Variants in RASEF observed in about 807,000 individuals in gnomAD.
The protein encoded by RASEF is RAS and EF-hand domain containing.
RASEF carries 68 observed loss-of-function variants against 90.1 expected under a neutral mutation model. That is an observed-to-expected ratio of 0.75 (90% CI 0.62 to 0.92). RASEF has a LOEUF of 0.92. Ranked by LOEUF, RASEF falls within the 40% of genes least tolerant of loss-of-function variation. The probability of loss-of-function intolerance (pLI) is 0.00; values close to 1 mark genes in which losing one functional copy is unlikely to be tolerated. For synonymous variants in RASEF, 331 were observed against 345.2 expected, an observed-to-expected ratio of 0.96 and a Z score of 0.46; for missense variants, 949 against 937.2, an observed-to-expected ratio of 1.01 and a Z score of -0.16.
the RASEF span, among the ~76,000 whole-genome samples, chr9:83,172,683 CT>C: frequency 6.6e-6 from 1 of 151,706 alleles, no homozygotes; most frequent in Non-Finnish European, 1.5e-5. Flanking sequence ...CATTTTCTGA[CT>C]TTTTGTGTTT....
rs1483732787 is a variant in RASEF at position 83,025,809 on chromosome 9, T to G, written c.544A>C (p.Thr182Pro). 2 of 1,613,950 alleles carry G rather than the reference T, an allele frequency of 1.2e-6. No individual in the cohort carries two copies. The highest frequency in any genetic ancestry group is 1.1e-5 in the South Asian group (1 of 91,020). Residue 182 changes from threonine to proline, a missense_variant, in exon 2 of 17, where the codon ACA (threonine) becomes CCA (proline). Transcript: ENST00000376447. ...GCAATGGCCAAATTTTCCATTTCTG[T>G]GCTTTGAAGTCTGATCTCACGGATG... is the stretch of plus-strand genomic sequence containing the variant. The part of the protein sequence containing the change: ...NFIREIRLQS[T>P]EMENLAIAVK...
At chr9:83,164,347 GTATA>G in the RASEF span, among the ~76,000 whole-genome samples, 171 of 129,972 alleles carry the variant, frequency 1.3e-3, no homozygotes, top group African/African-American at 4.0e-3. Context: ...GTATATGTGT[GTATA>G]TATATATATA....
In RASEF at chr9:82,984,728, G is replaced by A. The variant is rs62561890; in HGVS notation, c.2118-1946C>T. ...GCATTATTTAAGCCTCTACATCTGT[G>A]GGAGTTCATTACAAGGACAACGGAA... On this transcript the variant is annotated intron_variant, in intron 16 of 16. Coordinates refer to ENST00000376447, the MANE Select transcript of RASEF (RefSeq NM_152573.4). 9.7e-3 allele frequency among the ~76,000 whole-genome samples: 1,483 copies of A among 152,234 alleles called. 6 individuals carry two copies. Among genetic ancestry groups the A allele is most frequent in the Middle Eastern group, 0.024 (7 of 294 alleles).
At chr9:83,021,859 G>A (rs1244880057) in intron 3 of RASEF, among the ~76,000 whole-genome samples, 1 of 152,216 alleles carries the variant, frequency 6.6e-6, no homozygotes, top group African/African-American at 2.4e-5. Flanking sequence ...TGGGTACCAA[G>A]TGATGACTGT....
At chr9:83,070,115 T>TTTTTTTTTTTTTTTTTTG in the RASEF span, among the ~76,000 whole-genome samples, 1 of 152,112 alleles carries the variant, frequency 6.6e-6, no homozygotes, top group African/African-American at 2.4e-5. Context: ...GGTAACTTTT[T>TTTTTTTTTTTTTTTTTTG]AAGAGTAGAT....
the RASEF span, among the ~76,000 whole-genome samples, chr9:83,196,004 C>T: frequency 2.0e-5 from 3 of 151,976 alleles, no homozygotes; most frequent in African/African-American, 4.8e-5. Context: ...AACTTGGACC[C>T]GGGGGTGGCA....
chr9:83,083,835 C>T, the RASEF span, among the ~76,000 whole-genome samples: 1 of 151,968 alleles, frequency 6.6e-6, no homozygotes, highest in East Asian at 1.9e-4. Flanking sequence ...TTATTGCAAT[C>T]CTTAAAAATG....
intron 16 of RASEF, among the ~76,000 whole-genome samples, 200 bp from the exon 17 acceptor site, chr9:82,982,982 C>T (rs1398327342): frequency 6.6e-6 from 1 of 151,910 alleles, no homozygotes; most frequent in Admixed American, 6.6e-5. Context: ...TTTGCTGTGC[C>T]CCATTTTGTA....
At chr9:82,992,448 C>G (rs892328898) in intron 15 of RASEF, among the ~76,000 whole-genome samples, 1 of 152,202 alleles carries the variant, frequency 6.6e-6, no homozygotes, top group Non-Finnish European at 1.5e-5. Context: ...AAACACAAAT[C>G]TTAGAGAAGA....
At chr9:83,119,748 T>C in the RASEF span, among the ~76,000 whole-genome samples, 1 of 152,158 alleles carries the variant, frequency 6.6e-6, no homozygotes, top group African/African-American at 2.4e-5. Context: ...TGGGAGATGA[T>C]TGAATCATGG....
In RASEF at chr9:83,015,907, G is replaced by GAA; in HGVS notation, c.670-9_670-8dup. On this transcript the variant is annotated splice_region_variant and splice_polypyrimidine_tract_variant and intron_variant, in intron 3 of 16. Coordinates refer to ENST00000376447, the MANE Select transcript of RASEF (RefSeq NM_152573.4). ...CCTCAGCTTTGCGTTTTTCCTAAAAGAAAAAAAAATATGTTGTTCATTTAA... is the reference window on the plus strand; with the variant it reads ...CCTCAGCTTTGCGTTTTTCCTAAAAGAAAAAAAAAAATATGTTGTTCATTTAA... 6.3e-7 allele frequency: 1 copy of GAA among 1,582,250 alleles called. No homozygotes were observed. The highest frequency in any genetic ancestry group is 8.6e-7 in the Non-Finnish European group (1 of 1,159,348).
intron 1 of RASEF, among the ~76,000 whole-genome samples, chr9:83,030,356 CAAA>C (rs762391284): frequency 9.1e-6 from 1 of 110,252 alleles, no homozygotes. Flanking sequence ...GACTCCGTCA[CAAA>C]AAAAAAAAAA....
At chr9:83,012,387 T>A in intron 5 of RASEF, 47 bp downstream of exon 5, 1 of 968,194 alleles carries the variant, frequency 1.0e-6, no homozygotes, top group Non-Finnish European at 1.5e-6. Flanking sequence ...CATGAGGATG[T>A]GGTCTAACAG....
At chr9:83,154,581 C>T in the RASEF span, among the ~76,000 whole-genome samples, 1 of 152,280 alleles carries the variant, frequency 6.6e-6, no homozygotes, top group East Asian at 1.9e-4. Context: ...CACCTGATGG[C>T]CTTTGAAACA....
At chr9:83,068,074 A>G (rs1458373901), upstream of RASEF, among the ~76,000 whole-genome samples, 2 of 152,112 alleles carry the variant, frequency 1.3e-5, no homozygotes, top group Non-Finnish European at 2.9e-5. Context: ...GAGTTTCTCT[A>G]CGTTGCCCAG....
the RASEF span, among the ~76,000 whole-genome samples, chr9:83,199,270 A>G: frequency 6.6e-6 from 1 of 150,960 alleles, no homozygotes; most frequent in Non-Finnish European, 1.5e-5. Context: ...TGACCTTTGA[A>G]AAGCTCATAA....
chr9:83,098,224 G>C, the RASEF span, among the ~76,000 whole-genome samples: 1 of 152,120 alleles, frequency 6.6e-6, no homozygotes, highest in East Asian at 1.9e-4. Flanking sequence ...TATGGAGTTG[G>C]CTGTAAGATT....
At position 83,014,538 on chromosome 9, in the gene RASEF, G is replaced by A. The variant is rs532801573; in HGVS notation, c.765+1267C>T. Among the ~76,000 whole-genome samples the A allele has an allele frequency of 2.6e-5, 4 of 152,120 alleles. No individual in the cohort carries two copies. The South Asian group carries it at 8.3e-4, about 32-fold the overall frequency. On this transcript the variant is annotated intron_variant, in intron 4 of 16. Transcript: ENST00000376447. The stretch of plus-strand genomic sequence containing the variant: ...CAACTATGTCACCCAGGCTGGTCTT[G>A]ACCTCCTGAGCACAAGCAATCCTCC...
In RASEF at chr9:83,062,454, T is replaced by G; in HGVS notation, c.414A>C (p.Glu138Asp). 1 of 1,613,048 alleles carries G rather than the reference T, an allele frequency of 6.2e-7. No individual in the cohort carries two copies. The highest frequency in any genetic ancestry group is 8.5e-7 in the Non-Finnish European group (1 of 1,179,702). The change falls in exon 1 of 17, where the codon GAA becomes GAC. Residue 138 changes from glutamate to aspartate, a missense_variant. Physicochemically the swap from Glu to Asp is conservative, Grantham distance 45. Transcript: ENST00000376447. ...ACTCGCACCTGGGAATGAACTTGGC[T>G]TCGTCCCCAAGTCGCGCCTGGAAAT... ...WQDFQARLGD[E>D]AKFIPREEQV...
Sources: allele counts gnomAD v4.1 joint callset (sites outside exome capture counted in the v4.1 genomes callset), GRCh38; gene constraint gnomAD v4.1.1; transcripts MANE v1.5; gene names NCBI Gene and HGNC (gene_info 2026-07-23, HGNC 2026-07-21).